The following SLC22A23 variants were observed in gnomAD, a reference collection of about 807,000 sequenced individuals.
The protein encoded by SLC22A23 is ion transporter protein.
A neutral mutation model predicts 61.0 loss-of-function variants in SLC22A23; 26 were observed. The observed-to-expected ratio is 0.43, with a 90% confidence interval of 0.31 to 0.59. The LOEUF (loss-of-function observed/expected upper bound fraction) is 0.59. Among genes scored for constraint, SLC22A23 ranks in the 20% least tolerant of loss-of-function variants. The pLI, the probability that SLC22A23 is intolerant of heterozygous loss-of-function variation, is 0.11. For missense variants in SLC22A23, 796 were observed against 934.7 expected (o/e 0.85, Z 1.94); for synonymous variants, 430 against 413.9 (o/e 1.04, Z -0.47).
chr6:3,299,056 T>C (rs1175322633), intron 4 of SLC22A23, among the ~76,000 whole-genome samples: 1 of 151,936 alleles, frequency 6.6e-6, no homozygotes, highest in Non-Finnish European at 1.5e-5. Context: ...TACCCTGATC[T>C]GATCATTTTA....
At chr6:3,418,888 AC>A (rs1487910696) in intron 1 of SLC22A23, among the ~76,000 whole-genome samples, 2 of 152,156 alleles carry the variant, frequency 1.3e-5, no homozygotes, top group Non-Finnish European at 2.9e-5. Flanking sequence ...TGGCACCGAC[AC>A]CCTTGTTTGA....
In SLC22A23 at chr6:3,318,371, G is replaced by A. The variant is rs1192801777; in HGVS notation, c.1082+5463C>T. Among the ~76,000 whole-genome samples, 1 of 152,000 alleles carries A rather than the reference G, an allele frequency of 6.6e-6. No homozygotes were observed. Among genetic ancestry groups the A allele is most frequent in the Non-Finnish European group, 1.5e-5 (1 of 68,010 alleles). Reference sequence around the variant, plus strand: ...CACTTCCTGTGTCGGGCTCTCACACGTGGGCCACCATCCGCCTGCCCCAGT... The same window carrying A: ...CACTTCCTGTGTCGGGCTCTCACACATGGGCCACCATCCGCCTGCCCCAGT... On this transcript the variant is annotated intron_variant, in intron 4 of 9. Transcript: ENST00000406686. The surrounding 1 kb of genome is among the most constrained non-coding windows in gnomAD (Gnocchi z 4.3).
In SLC22A23 at chr6:3,456,818, C is replaced by T. The variant is rs1581916331; in HGVS notation, c.-259G>A. 1 of 146,934 alleles carries T rather than the reference C, an allele frequency of 6.8e-6. No individual in the cohort carries two copies. Among genetic ancestry groups the T allele is most frequent in the African/African-American group, 2.5e-5 (1 of 40,812 alleles). 9.1% of individuals were successfully genotyped at this position (146,934 alleles called of 1,614,324 possible). ...AGGCCGGCCGGGCCCTCAGCCGCCG[C>T]GGCTCATCAGTTCCGCGGCCCGGGC... On this transcript the variant is annotated 5_prime_UTR_variant, in exon 1 of 10. Coordinates refer to ENST00000406686, the MANE Select transcript of SLC22A23 (RefSeq NM_015482.2). The surrounding 1 kb of genome is among the most constrained non-coding windows in gnomAD (Gnocchi z 7.1).
chr6:3,285,845 G>T (rs1319602992), intron 7 of SLC22A23, among the ~76,000 whole-genome samples: 1 of 152,206 alleles, frequency 6.6e-6, no homozygotes, highest in Non-Finnish European at 1.5e-5. Context: ...AGTTCTGAGA[G>T]CCCGGGTTCA....
chr6:3,341,596 T>C (rs947345458), intron 3 of SLC22A23, among the ~76,000 whole-genome samples: 17 of 152,220 alleles, frequency 1.1e-4, no homozygotes, highest in African/African-American at 3.9e-4. Context: ...GACATTCAAA[T>C]GTAAATGCTG....
chr6:3,296,301 G>A (rs1423905973), intron 5 of SLC22A23, among the ~76,000 whole-genome samples: 1 of 152,180 alleles, frequency 6.6e-6, no homozygotes, highest in Non-Finnish European at 1.5e-5. Context: ...CCTCATGTTA[G>A]AGCAGCGTGG....
intron 3 of SLC22A23, among the ~76,000 whole-genome samples, chr6:3,370,540 G>A (rs899530860): frequency 9.2e-5 from 14 of 152,260 alleles, no homozygotes; most frequent in South Asian, 4.1e-4. Flanking sequence ...GGTGGCCTGC[G>A]GGGCAGCTCA....
At chr6:3,377,364 G>C (rs566950745) in intron 3 of SLC22A23, among the ~76,000 whole-genome samples, 5 of 152,306 alleles carry the variant, frequency 3.3e-5, no homozygotes, top group Non-Finnish European at 7.3e-5. Flanking sequence ...TGATGGAATG[G>C]AGAGGGTCAA....
intron 3 of SLC22A23, among the ~76,000 whole-genome samples, chr6:3,353,336 A>G (rs1018903023): frequency 1.3e-5 from 2 of 152,216 alleles, no homozygotes; most frequent in African/African-American, 2.4e-5. Flanking sequence ...CAGCTCCCCA[A>G]TGAAGAGGTG....
chr6:3,419,929 C>A (rs1394510035), intron 1 of SLC22A23, among the ~76,000 whole-genome samples: 1 of 152,170 alleles, frequency 6.6e-6, no homozygotes, highest in Non-Finnish European at 1.5e-5. Flanking sequence ...TGAACTAATA[C>A]AAGAGTCTCT....
intron 1 of SLC22A23, among the ~76,000 whole-genome samples, chr6:3,434,098 G>A (rs1212398509): frequency 6.6e-6 from 1 of 152,070 alleles, no homozygotes; most frequent in African/African-American, 2.4e-5. Context: ...TGGATCACCT[G>A]GGGTCAGGAG....
rs964847377 is a variant in SLC22A23, at chr6:3,324,149, G to A, written c.914-147C>T. The A allele has an allele frequency of 6.0e-6, 6 of 993,082 alleles. No homozygotes were observed. Among genetic ancestry groups the A allele is most frequent in the African/African-American group, 4.9e-5 (3 of 61,604 alleles). 61.5% of individuals were successfully genotyped at this position (993,082 alleles called of 1,614,324 possible). Reference sequence around the variant, plus strand: ...GCCCACCACAAGTGCCCTATGTGGTGTGCCAGTGTTTTACGGGCGCGTTGA... The same window carrying A: ...GCCCACCACAAGTGCCCTATGTGGTATGCCAGTGTTTTACGGGCGCGTTGA... On this transcript the variant is annotated intron_variant, in intron 3 of 9. Coordinates refer to ENST00000406686, the MANE Select transcript of SLC22A23 (RefSeq NM_015482.2). The surrounding 1 kb of genome is among the most constrained non-coding windows in gnomAD (Gnocchi z 4.3).
At chr6:3,378,643 T>C (rs1766741166) in intron 3 of SLC22A23, among the ~76,000 whole-genome samples, 2 of 139,580 alleles carry the variant, frequency 1.4e-5, no homozygotes, top group Admixed American at 1.5e-4. Context: ...GACTTTTTTT[T>C]TCTTTTCTTT....
chr6:3,421,143 G>C (rs1770105926), intron 1 of SLC22A23, among the ~76,000 whole-genome samples: 2 of 151,992 alleles, frequency 1.3e-5, no homozygotes, highest in South Asian at 4.1e-4. Flanking sequence ...ACAATATTTT[G>C]TTTTTCAAAA....
intron 1 of SLC22A23, chr6:3,432,240 T>C: frequency 2.0e-6 from 2 of 985,456 alleles, no homozygotes; most frequent in Non-Finnish European, 2.4e-6. Flanking sequence ...ACTGAGAGCC[T>C]GCGGCAGGAA....
intron 3 of SLC22A23, among the ~76,000 whole-genome samples, chr6:3,351,310 C>A (rs537454513): frequency 6.6e-6 from 1 of 152,072 alleles, no homozygotes. Context: ...AATCGGAGTG[C>A]GGTGGAAAAT....
intron 2 of SLC22A23, among the ~76,000 whole-genome samples, chr6:3,411,845 T>C (rs1769275346): frequency 6.6e-6 from 1 of 152,236 alleles, no homozygotes; most frequent in Non-Finnish European, 1.5e-5. Flanking sequence ...CTTTCCCTTG[T>C]CCAGTGCTGG....
chr6:3,367,633 G>C (rs1765922416), intron 3 of SLC22A23, among the ~76,000 whole-genome samples: 1 of 152,224 alleles, frequency 6.6e-6, no homozygotes, highest in Non-Finnish European at 1.5e-5. Context: ...GAGCCTGAGG[G>C]ACGTAAGTTA....
At chr6:3,321,902 G>C (rs908565557) in intron 4 of SLC22A23, among the ~76,000 whole-genome samples, 11 of 152,182 alleles carry the variant, frequency 7.2e-5, no homozygotes, top group African/African-American at 2.7e-4. Flanking sequence ...GGGCCTGCTG[G>C]GGAGAGGGGG....
Sources: gnomAD v4.1 joint callset for allele counts (sites outside exome capture counted in the v4.1 genomes callset) on GRCh38, gnomAD v4.1.1 for gene constraint, Gnocchi (gnomAD v3.1) non-coding constraint, MANE v1.5 for transcripts, NCBI Gene and HGNC (gene_info 2026-07-23, HGNC 2026-07-21) for gene names.